Variants in PDZRN3 observed in about 807,000 individuals in gnomAD.
PDZRN3 encodes PDZ domain containing ring finger 3.
A neutral mutation model predicts 85.7 loss-of-function variants in PDZRN3; 38 were observed. The observed-to-expected ratio is 0.44, with a 90% CI of 0.34 to 0.58. The LOEUF is 0.58. Ranked by LOEUF, PDZRN3 falls within the 20% of genes least tolerant of loss-of-function variation. The pLI, the probability that PDZRN3 is intolerant of heterozygous loss-of-function variation, is 0.01. For synonymous variants in PDZRN3, 759 were observed against 638.0 expected (o/e 1.19, Z -2.86); for missense variants, 1,629 against 1,506.4 (o/e 1.08, Z -1.35).
chr3:73,434,395 T>C (rs1443362668), intron 3 of PDZRN3, among the ~76,000 whole-genome samples: 1 of 152,216 alleles, frequency 6.6e-6, no homozygotes, highest in African/African-American at 2.4e-5. Context: ...ATATAATATT[T>C]AGTGCTTTAC....
At chr3:73,432,279 G>A (rs921520681) in intron 3 of PDZRN3, among the ~76,000 whole-genome samples, 2 of 152,030 alleles carry the variant, frequency 1.3e-5, no homozygotes, top group Non-Finnish European at 2.9e-5. Context: ...GGGCCAGATC[G>A]CCAGTGGTGA....
intron 3 of PDZRN3, among the ~76,000 whole-genome samples, chr3:73,531,890 T>C (rs1704665009): frequency 6.6e-6 from 1 of 152,230 alleles, no homozygotes; most frequent in Non-Finnish European, 1.5e-5. Flanking sequence ...TTTCAGCCCC[T>C]GCTGATAGCT....
chr3:73,445,379 G>C (rs1036092294), intron 3 of PDZRN3, among the ~76,000 whole-genome samples: 2 of 152,154 alleles, frequency 1.3e-5, no homozygotes, highest in South Asian at 4.1e-4. Flanking sequence ...CTAAAGGGAA[G>C]CTAGTTTAAT....
intron 3 of PDZRN3, among the ~76,000 whole-genome samples, chr3:73,562,662 T>A: frequency 6.6e-6 from 1 of 152,120 alleles, no homozygotes; most frequent in Middle Eastern, 3.4e-3. Flanking sequence ...GCTTACATAA[T>A]TTGGGGTACA....
chr3:73,517,461 G>A lies in PDZRN3; in HGVS notation c.918+84893C>T, dbSNP rs568667842. 2.0e-5 allele frequency among the ~76,000 whole-genome samples: 3 copies of A among 152,234 alleles called. No individual in the cohort carries two copies. The South Asian group carries it at 6.2e-4, about 32-fold the overall frequency. On this transcript the variant is annotated intron_variant, in intron 3 of 9. Coordinates refer to ENST00000263666, the MANE Select transcript of PDZRN3 (RefSeq NM_015009.3). ...TGGCACCTAAAATTTACTTATAGAA[G>A]AACAGATACTAGGTAAACAAAAGCC...
At chr3:73,585,267 T>A (rs1392415044) in intron 3 of PDZRN3, among the ~76,000 whole-genome samples, 1 of 152,238 alleles carries the variant, frequency 6.6e-6, no homozygotes, top group Non-Finnish European at 1.5e-5. Flanking sequence ...TTCTATTTGG[T>A]CTCTTCGTTT....
chr3:73,454,898 T>C (rs1702947966), intron 3 of PDZRN3, among the ~76,000 whole-genome samples: 1 of 152,200 alleles, frequency 6.6e-6, no homozygotes, highest in South Asian at 2.1e-4. Flanking sequence ...CTTCATTTTT[T>C]TTTTTTTAAT....
intron 6 of PDZRN3, 45 bp downstream of exon 6, chr3:73,390,973 T>TTGGTCTTGATACGATAGTTAG: frequency 7.6e-7 from 1 of 1,309,266 alleles, no homozygotes; most frequent in Non-Finnish European, 1.1e-6. Flanking sequence ...AAAAACCCTT[T>TTGGTCTTGATACGATAGTTAG]TGGTCTTGAT....
Position 73,624,533 on chromosome 3 carries a change from A to T in PDZRN3, c.293T>A (p.Leu98Gln). 6.7e-7 allele frequency: 1 copy of T among 1,484,144 alleles called. No individual in the cohort carries two copies. The highest frequency in any genetic ancestry group is 1.3e-5 in the South Asian group (1 of 76,344). 91.9% of individuals were successfully genotyped at this position (1,484,144 alleles called of 1,614,324 possible). Reference sequence around the variant, plus strand: ...GTCGCAGCGCTCGAGGTGCTCCGGCAGCTGCTGCAGCTTGACCACCCGGCC... The same window carrying T: ...GTCGCAGCGCTCGAGGTGCTCCGGCTGCTGCTGCAGCTTGACCACCCGGCC... ...GCGRVVKLQQ[L>Q]PEHLERCDFA... is the part of the protein sequence containing the mutation. The change falls in exon 1 of 10, where the codon CTG becomes CAG. Residue 98 changes from leucine to glutamine, a missense_variant. Physicochemically the swap from Leu to Gln is moderately radical, Grantham distance 113 (BLOSUM62 -2). Coordinates refer to ENST00000263666, the MANE Select transcript of PDZRN3 (RefSeq NM_015009.3).
chr3:73,520,101 T>A (rs1266088102), intron 3 of PDZRN3, among the ~76,000 whole-genome samples: 1 of 152,114 alleles, frequency 6.6e-6, no homozygotes, highest in Non-Finnish European at 1.5e-5. Context: ...CAGGTTTGCA[T>A]ATGGAAAGAC....
At chr3:73,407,991 A>G (rs965454493) in intron 3 of PDZRN3, 1 of 602,184 alleles carries the variant, frequency 1.7e-6, no homozygotes. Context: ...ATGCCCTGTC[A>G]TCCCACACAA....
chr3:73,600,936 C>CA (rs1396854814), intron 3 of PDZRN3, among the ~76,000 whole-genome samples: 1 of 151,934 alleles, frequency 6.6e-6, no homozygotes, highest in Non-Finnish European at 1.5e-5. Flanking sequence ...AACCATGCAG[C>CA]AAAAAAAGCT....
At chr3:73,546,689 A>G (rs1330173305) in intron 3 of PDZRN3, among the ~76,000 whole-genome samples, 1 of 152,248 alleles carries the variant, frequency 6.6e-6, no homozygotes, top group African/African-American at 2.4e-5. Flanking sequence ...AATTCTGCTG[A>G]GAATGATTCT....
intron 3 of PDZRN3, among the ~76,000 whole-genome samples, chr3:73,477,464 C>T (rs1191756015): frequency 2.0e-5 from 3 of 152,176 alleles, no homozygotes; most frequent in African/African-American, 7.2e-5. Context: ...TGTCCACAGT[C>T]TTGGATTAAC....
chr3:73,565,067 T>C (rs1341314492), intron 3 of PDZRN3, among the ~76,000 whole-genome samples: 2 of 152,112 alleles, frequency 1.3e-5, no homozygotes, highest in East Asian at 1.9e-4. Flanking sequence ...TATGTAATAC[T>C]GTATATACCA....
intron 3 of PDZRN3, among the ~76,000 whole-genome samples, chr3:73,524,157 C>CA: frequency 6.6e-6 from 1 of 152,092 alleles, no homozygotes; most frequent in Non-Finnish European, 1.5e-5. Context: ...TAGAATCCTG[C>CA]AAAAAAGAAG....
chr3:73,388,575 T>C (rs1219095974), intron 7 of PDZRN3, among the ~76,000 whole-genome samples: 1 of 152,164 alleles, frequency 6.6e-6, no homozygotes, highest in Non-Finnish European at 1.5e-5. Context: ...ACACTCTCAC[T>C]ATCACACTTG....
intron 3 of PDZRN3, among the ~76,000 whole-genome samples, chr3:73,420,763 A>G (rs995697815): frequency 1.2e-4 from 19 of 152,072 alleles, no homozygotes; most frequent in Non-Finnish European, 2.8e-4. Context: ...CAACCCCTAG[A>G]TTGGCCTATT....
intron 1 of PDZRN3, among the ~76,000 whole-genome samples, chr3:73,609,281 G>A (rs116113671): frequency 1.6e-3 from 243 of 152,238 alleles, no homozygotes; most frequent in African/African-American, 5.1e-3. Context: ...CAATCCACAC[G>A]AGACGCAGAG....
Sources: gnomAD v4.1 joint callset for allele counts (sites outside exome capture counted in the v4.1 genomes callset) on GRCh38, gnomAD v4.1.1 for gene constraint, MANE v1.5 for transcripts, NCBI Gene and HGNC (gene_info 2026-07-23, HGNC 2026-07-21) for gene names.